The following LTBP1 variants were observed in gnomAD, a reference collection of about 807,000 sequenced individuals.
LTBP1 encodes latent-transforming growth factor beta-binding protein 1.
Under a neutral mutation model 207.6 loss-of-function variants are expected in LTBP1, and 129 were observed. The observed-to-expected ratio is 0.62, with a 90% CI of 0.54 to 0.72. LTBP1 has a LOEUF of 0.72. Ranked by LOEUF, LTBP1 falls within the 30% of genes least tolerant of loss-of-function variation. LTBP1 has a pLI of 0.00. For missense variants in LTBP1, 2,281 were observed against 2,217.2 expected, an observed-to-expected ratio of 1.03 and a Z score of -0.58; for synonymous variants, 963 against 833.7, an observed-to-expected ratio of 1.16 and a Z score of -2.67.
chr2:33,108,062 A>C (rs1027088273), intron 3 of LTBP1, among the ~76,000 whole-genome samples: 1 of 152,252 alleles, frequency 6.6e-6, no homozygotes, highest in Non-Finnish European at 1.5e-5. Flanking sequence ...ATAACTGTGA[A>C]TAATGAAATT....
In LTBP1 at chr2:33,134,618, C is replaced by A. The variant is rs566615179; in HGVS notation, c.1034-175C>A. 13 of 1,531,114 alleles carry A rather than the reference C, an allele frequency of 8.5e-6. No individual in the cohort carries two copies. The South Asian group carries it at 1.5e-4, about 18-fold the overall frequency. 94.8% of individuals were successfully genotyped at this position (1,531,114 alleles called of 1,614,324 possible). A position where few individuals can be genotyped will look rare whatever the true frequency, so the allele number is the denominator to read the frequency against. On this transcript the variant is annotated intron_variant, in intron 4 of 33. Coordinates refer to ENST00000404816, the MANE Select transcript of LTBP1 (RefSeq NM_206943.4). This position sits in a 1 kb window ranked among gnomAD's most constrained non-coding sequence, Gnocchi z 4.4. ...TTCAGAGACACCACTGAATACAGAG[C>A]AGCGAGCACTGAAGGCTTCCCTCTT...
intron 2 of LTBP1, among the ~76,000 whole-genome samples, chr2:33,015,166 T>G (rs1215710085): frequency 6.6e-6 from 1 of 152,178 alleles, no homozygotes; most frequent in Non-Finnish European, 1.5e-5. Context: ...CTACAACACA[T>G]TGGATCTGGT....
At chr2:33,114,225 C>T (rs190355851) in intron 4 of LTBP1, among the ~76,000 whole-genome samples, 4 of 152,290 alleles carry the variant, frequency 2.6e-5, no homozygotes, top group East Asian at 3.9e-4. Context: ...AATTTGCATC[C>T]GTATCATCTA....
chr2:33,312,833 A>G (rs1372522847), intron 23 of LTBP1, among the ~76,000 whole-genome samples: 3 of 152,198 alleles, frequency 2.0e-5, no homozygotes, highest in African/African-American at 7.2e-5. Flanking sequence ...TTAAAGGGCC[A>G]CACTGAGGCA....
At chr2:33,091,951 G>T (rs1460732262) in intron 3 of LTBP1, among the ~76,000 whole-genome samples, 1 of 152,186 alleles carries the variant, frequency 6.6e-6, no homozygotes, top group African/African-American at 2.4e-5. Flanking sequence ...ATTACCCCCA[G>T]CTCAAGAGAG....
intron 3 of LTBP1, among the ~76,000 whole-genome samples, chr2:33,073,920 A>G (rs2077938183): frequency 6.6e-6 from 1 of 152,076 alleles, no homozygotes; most frequent in South Asian, 2.1e-4. Context: ...AGCCACTGTG[A>G]GTTTCCCATT....
intron 3 of LTBP1, among the ~76,000 whole-genome samples, chr2:33,097,340 C>T (rs1469398052): frequency 6.6e-6 from 1 of 152,012 alleles, no homozygotes; most frequent in Non-Finnish European, 1.5e-5. Context: ...AAATAAAAGT[C>T]AATATGTAAA....
At chr2:33,383,540 T>G (rs1235167460) in intron 31 of LTBP1, among the ~76,000 whole-genome samples, 1 of 152,160 alleles carries the variant, frequency 6.6e-6, no homozygotes, top group Admixed American at 6.5e-5. Flanking sequence ...TGACCCACTT[T>G]TCTGCTTCTT....
chr2:33,004,642 G>A (rs372879903), intron 2 of LTBP1, among the ~76,000 whole-genome samples: 8 of 151,084 alleles, frequency 5.3e-5, no homozygotes, highest in African/African-American at 9.7e-5. Context: ...AGGCTTGTTG[G>A]TGCGTGACTG....
At chr2:32,981,075 T>C (rs1459011474) in intron 2 of LTBP1, among the ~76,000 whole-genome samples, 2 of 152,186 alleles carry the variant, frequency 1.3e-5, no homozygotes, top group African/African-American at 2.4e-5. Flanking sequence ...TAAATCTGCT[T>C]GGTGTTCTGT....
Position 32,947,217 on chromosome 2 carries a change from G to GCA in LTBP1, c.-107_-106insAC, listed in dbSNP as rs1178159508. 1.5e-5 allele frequency: 13 copies of GCA among 850,706 alleles called. No individual in the cohort carries two copies. The East Asian group carries it at 4.8e-4, about 31-fold the overall frequency. 52.7% of individuals were successfully genotyped at this position (850,706 alleles called of 1,614,324 possible). ...CTTGGTCTCCTCCCGCCTTTCCCGG[G>GCA]CTCTCGGCAGCTCTCGGGGGAGCCC... On this transcript the variant is annotated 5_prime_UTR_variant, in exon 1 of 34. Coordinates refer to ENST00000404816, the MANE Select transcript of LTBP1 (RefSeq NM_206943.4).
At chr2:33,104,343 T>G (rs1648538863) in intron 3 of LTBP1, among the ~76,000 whole-genome samples, 1 of 152,226 alleles carries the variant, frequency 6.6e-6, no homozygotes, top group Admixed American at 6.5e-5. Context: ...TCTCTTGTTC[T>G]TTCTTTTCTG....
At chr2:33,102,057 G>C (rs1229442100) in intron 3 of LTBP1, among the ~76,000 whole-genome samples, 1 of 152,052 alleles carries the variant, frequency 6.6e-6, no homozygotes, top group Non-Finnish European at 1.5e-5. Context: ...TGGCCTAATG[G>C]GGCATCCAGA....
Position 32,947,170 on chromosome 2 carries a change from G to A in LTBP1, c.-155G>A, listed in dbSNP as rs543843078. 1.3e-5 allele frequency: 6 copies of A among 459,332 alleles called. No individual in the cohort carries two copies. The South Asian group carries it at 5.7e-4, about 44-fold the overall frequency. 28.5% of individuals were successfully genotyped at this position (459,332 alleles called of 1,614,324 possible). A position where few individuals can be genotyped will look rare whatever the true frequency, so the allele number is the denominator to read the frequency against. ...GTCTGGGGCCGCTCAGCTGCCCGCA[G>A]AGCCTCCTCCCTCGCCACCGACTTG... On this transcript the variant is annotated 5_prime_UTR_variant, in exon 1 of 34. Transcript: ENST00000404816.
chr2:33,217,482 G>A (rs2290449), intron 7 of LTBP1, 70 bp from the exon 8 acceptor site: 548,720 of 1,013,840 alleles, frequency 0.54, 150,137 homozygotes, highest in African/African-American at 0.58. Flanking sequence ...GGCTGTGAGG[G>A]ACAGCAGTGC....
At chr2:33,309,704 C>A in intron 23 of LTBP1, 148 bp downstream of exon 23, 1 of 894,238 alleles carries the variant, frequency 1.1e-6, no homozygotes, top group Non-Finnish European at 1.7e-6. Flanking sequence ...GTCTTGGGTC[C>A]ACATCAAGTG....
chr2:33,315,365 G>T, intron 24 of LTBP1, 96 bp downstream of exon 24: 7 of 1,456,696 alleles, frequency 4.8e-6, no homozygotes, highest in Non-Finnish European at 6.6e-6. Flanking sequence ...AAGAGGTACT[G>T]CATAATTCAG....
chr2:32,966,341 C>G (rs2148506031), intron 2 of LTBP1, among the ~76,000 whole-genome samples: 1 of 152,172 alleles, frequency 6.6e-6, no homozygotes, highest in South Asian at 2.1e-4. Flanking sequence ...TGAAGTCCAG[C>G]TTATCAATTC....
chr2:33,024,460 T>G (rs219204), intron 3 of LTBP1, among the ~76,000 whole-genome samples: 71,442 of 151,692 alleles, frequency 0.47, 19,108 homozygotes, highest in East Asian at 0.72. Flanking sequence ...GTGCCTGAGA[T>G]GTTTGAGGAA....
Sources: gnomAD v4.1 joint callset for allele counts (sites outside exome capture counted in the v4.1 genomes callset) on GRCh38, gnomAD v4.1.1 for gene constraint, Gnocchi (gnomAD v3.1) non-coding constraint, MANE v1.5 for transcripts, NCBI Gene and HGNC (gene_info 2026-07-23, HGNC 2026-07-21) for gene names.